The following STIM2 variants were observed in gnomAD, a reference collection of about 807,000 sequenced individuals.
The protein encoded by STIM2 is stromal interaction molecule 2.
In STIM2, 31 loss-of-function variants were observed where a neutral mutation model predicts 85.8. The observed-to-expected ratio is 0.36, with a 90% CI of 0.27 to 0.49. The LOEUF (loss-of-function observed/expected upper bound fraction) is 0.49. Ranked by LOEUF, STIM2 falls within the 20% of genes least tolerant of loss-of-function variation. The pLI is 0.98. For synonymous variants in STIM2, 356 were observed against 331.1 expected (o/e 1.08, Z -0.82); for missense variants, 841 against 927.6 (o/e 0.91, Z 1.21).
intron 4 of STIM2, among the ~76,000 whole-genome samples, chr4:26,998,291 G>A (rs1728029974): frequency 6.6e-6 from 1 of 152,034 alleles, no homozygotes; most frequent in African/African-American, 2.4e-5. Context: ...TATTTTACCT[G>A]TGCCTCCTAC....
At chr4:26,930,135 C>G (rs766664072) in intron 2 of STIM2, among the ~76,000 whole-genome samples, 15 of 152,100 alleles carry the variant, frequency 9.9e-5, no homozygotes, top group Non-Finnish European at 1.6e-4. Flanking sequence ...AATCTGTGAT[C>G]TGTTAAGATT....
intron 11 of STIM2, among the ~76,000 whole-genome samples, chr4:27,022,240 A>G (rs531986072): frequency 2.0e-5 from 3 of 152,308 alleles, no homozygotes; most frequent in South Asian, 2.1e-4. Flanking sequence ...AAAATTTAAC[A>G]TTTTAATTTA....
Position 26,860,916 on chromosome 4 carries a change from C to A in STIM2, c.-303C>A. 9.4e-7 allele frequency: 1 copy of A among 1,066,764 alleles called. No homozygotes were observed. The highest frequency in any genetic ancestry group is 1.2e-6 in the Non-Finnish European group (1 of 865,164). The allele number at this position is 1,066,764 out of a possible 1,614,324, so 66.1% of individuals were successfully genotyped here. A position where few individuals can be genotyped will look rare whatever the true frequency, so the allele number is the denominator to read the frequency against. ...CGCCTGAAGACGCCGTACCTTTCTA[C>A]CCCCCACCTTTTTTTTTTTTTTTTT... On this transcript the variant is annotated 5_prime_UTR_variant, in exon 1 of 12. Transcript: ENST00000467087.
intron 1 of STIM2, among the ~76,000 whole-genome samples, chr4:26,916,273 G>T (rs943374566): frequency 6.6e-6 from 1 of 152,206 alleles, no homozygotes; most frequent in Non-Finnish European, 1.5e-5. Context: ...AAAATTTCAT[G>T]TGAAGAAATG....
intron 1 of STIM2, among the ~76,000 whole-genome samples, chr4:26,896,326 A>C (rs555652596): frequency 6.6e-6 from 1 of 152,208 alleles, no homozygotes; most frequent in Non-Finnish European, 1.5e-5. Context: ...AGGGCTCTGA[A>C]TTACATTTGT....
chr4:26,898,820 TA>T (rs1388832536), intron 1 of STIM2, among the ~76,000 whole-genome samples: 1 of 152,146 alleles, frequency 6.6e-6, no homozygotes, highest in Non-Finnish European at 1.5e-5. Flanking sequence ...TTGATGACAT[TA>T]AAAAATTCAT....
At chr4:26,950,410 A>C (rs1198981665) in intron 2 of STIM2, among the ~76,000 whole-genome samples, 1 of 152,208 alleles carries the variant, frequency 6.6e-6, no homozygotes, top group Non-Finnish European at 1.5e-5. Context: ...TGGAAGAAGC[A>C]TTATGGCTTG....
intron 3 of STIM2, among the ~76,000 whole-genome samples, chr4:26,976,015 T>C (rs1483861556): frequency 1.3e-5 from 2 of 152,224 alleles, no homozygotes; most frequent in African/African-American, 2.4e-5. Context: ...ACTGCTGCGC[T>C]AGCAGTGAGC....
rs141740420 is a variant in STIM2, at chr4:26,988,716, A to T, written c.398-6663A>T. 9.2e-4 allele frequency among the ~76,000 whole-genome samples: 140 copies of T among 152,340 alleles called. 1 individual carries two copies. In the East Asian group the frequency reaches 0.022, roughly 24 times the overall value. On this transcript the variant is annotated intron_variant, in intron 3 of 11. Transcript: ENST00000467087. The stretch of plus-strand genomic sequence containing the variant: ...AAAGTGTCTACTTAAAAGGCTTATT[A>T]CAATGATCATTTGAAATAATGTTTG...
chr4:26,897,742 A>G (rs1286213972), intron 1 of STIM2, among the ~76,000 whole-genome samples: 1 of 152,130 alleles, frequency 6.6e-6, no homozygotes, highest in Non-Finnish European at 1.5e-5. Flanking sequence ...CTTAGTCCAT[A>G]TTTACATTTT....
At chr4:26,891,139 G>C (rs188447176) in intron 1 of STIM2, among the ~76,000 whole-genome samples, 92 of 152,324 alleles carry the variant, frequency 6.0e-4, no homozygotes, top group African/African-American at 2.2e-3. Flanking sequence ...AACTTGGCTG[G>C]TCTGTGGTGT....
intron 7 of STIM2, 105 bp downstream of exon 7, chr4:27,003,209 T>C: frequency 9.3e-7 from 1 of 1,079,418 alleles, no homozygotes; most frequent in South Asian, 1.8e-5. Flanking sequence ...TCCACTGTAG[T>C]TCCTCAGTTG....
intron 1 of STIM2, among the ~76,000 whole-genome samples, chr4:26,904,613 G>A (rs183096821): frequency 4.6e-5 from 7 of 152,308 alleles, no homozygotes; most frequent in African/African-American, 1.4e-4. Flanking sequence ...TGGTGGAGTG[G>A]TGAGAGCAGA....
At chr4:26,911,097 C>T (rs529491638) in intron 1 of STIM2, among the ~76,000 whole-genome samples, 14 of 151,820 alleles carry the variant, frequency 9.2e-5, no homozygotes, top group Admixed American at 7.2e-4. Flanking sequence ...ATGAGCCAGG[C>T]GTGGTGGTGG....
chr4:26,943,246 C>T (rs1725686758), intron 2 of STIM2, among the ~76,000 whole-genome samples: 1 of 151,914 alleles, frequency 6.6e-6, no homozygotes, highest in Non-Finnish European at 1.5e-5. Flanking sequence ...TATTTGGTTT[C>T]CTGTTTGTAT....
chr4:26,961,699 G>A (rs533033934), intron 3 of STIM2, among the ~76,000 whole-genome samples: 3 of 152,208 alleles, frequency 2.0e-5, no homozygotes, highest in Admixed American at 6.5e-5. Context: ...GGTGGTGTTC[G>A]GGTTGACCCA....
intron 1 of STIM2, among the ~76,000 whole-genome samples, chr4:26,906,635 G>A (rs1724136115): frequency 2.0e-5 from 3 of 151,966 alleles, no homozygotes; most frequent in Admixed American, 1.3e-4. Flanking sequence ...ACAGTTTGTG[G>A]ACCACATGAG....
At chr4:26,923,372 TG>T (rs1463981342) in intron 2 of STIM2, among the ~76,000 whole-genome samples, 1 of 152,056 alleles carries the variant, frequency 6.6e-6, no homozygotes, top group East Asian at 1.9e-4. Context: ...CAAAGCTGGA[TG>T]GAGAATGATT....
chr4:26,990,243 G>A (rs961464669), intron 3 of STIM2, among the ~76,000 whole-genome samples: 4 of 151,980 alleles, frequency 2.6e-5, no homozygotes, highest in Non-Finnish European at 4.4e-5. Flanking sequence ...TCATGGTACC[G>A]GCATAAAAAC....
Sources: allele counts gnomAD v4.1 joint callset (sites outside exome capture counted in the v4.1 genomes callset), GRCh38; gene constraint gnomAD v4.1.1; transcripts MANE v1.5; gene names NCBI Gene and HGNC (gene_info 2026-07-23, HGNC 2026-07-21).